The following APP variants were observed in gnomAD, a reference collection of about 807,000 sequenced individuals.
The protein encoded by APP is amyloid-beta precursor protein.
In APP, 31 loss-of-function variants were observed where a neutral mutation model predicts 101.4. The observed-to-expected ratio is 0.31, with a 90% CI of 0.23 to 0.41. APP has a LOEUF of 0.41. Among genes scored for constraint, APP ranks in the 10% least tolerant of loss-of-function variants. APP has a pLI of 1.00. For missense variants in APP, 839 were observed against 1,003.7 expected, an observed-to-expected ratio of 0.84 and a Z score of 2.22; for synonymous variants, 366 against 364.4, an observed-to-expected ratio of 1.00 and a Z score of -0.05.
At chr21:25,893,117 A>G (rs768464520) in intron 16 of APP, among the ~76,000 whole-genome samples, 1 of 152,212 alleles carries the variant, frequency 6.6e-6, no homozygotes, top group African/African-American at 2.4e-5. Context: ...ATCTGTGATC[A>G]GTGGCCTTTG....
intron 9 of APP, among the ~76,000 whole-genome samples, chr21:25,977,984 G>C (rs2042284950): frequency 6.6e-6 from 1 of 152,160 alleles, no homozygotes; most frequent in Non-Finnish European, 1.5e-5. Context: ...CTCAAAATTA[G>C]TTTGAGATAG....
intron 11 of APP, among the ~76,000 whole-genome samples, chr21:25,963,093 C>T (rs960206446): frequency 5.3e-5 from 8 of 152,180 alleles, no homozygotes; most frequent in Admixed American, 6.5e-5. Context: ...GGATTACAGG[C>T]GTGAGCCACC....
intron 3 of APP, among the ~76,000 whole-genome samples, chr21:26,062,851 T>G (rs1214183742): frequency 6.6e-6 from 1 of 152,064 alleles, no homozygotes; most frequent in East Asian, 1.9e-4. Flanking sequence ...CAGCCTTGAC[T>G]TCCTGGGCTC....
chr21:26,068,875 C>A (rs2046564143), intron 3 of APP, among the ~76,000 whole-genome samples: 1 of 152,200 alleles, frequency 6.6e-6, no homozygotes, highest in Non-Finnish European at 1.5e-5. Flanking sequence ...TGACCTTTCA[C>A]TTAGCATTCC....
Position 26,018,679 on chromosome 21 carries a change from T to C in APP, c.865+3161A>G, listed in dbSNP as rs1032582309. Reference sequence around the variant, plus strand: ...AGAGCTTTTGTTCAGGAGTTTGAGGTGGAATGAATGGACCTGCATTAAAGA... The same window carrying C: ...AGAGCTTTTGTTCAGGAGTTTGAGGCGGAATGAATGGACCTGCATTAAAGA... On this transcript the variant is annotated intron_variant, in intron 6 of 17. Coordinates refer to ENST00000346798, the MANE Select transcript of APP (RefSeq NM_000484.4). Among the ~76,000 whole-genome samples the C allele has an allele frequency of 1.3e-5, 2 of 152,146 alleles. 1 individual carries two copies. Among genetic ancestry groups the C allele is most frequent in the South Asian group, 4.1e-4 (2 of 4,830 alleles).
At position 26,028,152 on chromosome 21, in the gene APP, G is replaced by C. The variant is rs143187054; in HGVS notation, c.663-6110C>G. Among the ~76,000 whole-genome samples, 84 of 150,390 alleles carry C rather than the reference G, an allele frequency of 5.6e-4. 1 individual carries two copies. The East Asian group carries it at 0.01, about 18-fold the overall frequency. The stretch of plus-strand genomic sequence containing the variant: ...CAGAAGCTGCATTGCACTCCAGCCT[G>C]GGTGACAGAGTGAGACTCTGTCTCA... On this transcript the variant is annotated intron_variant, in intron 5 of 17. Coordinates refer to ENST00000346798, the MANE Select transcript of APP (RefSeq NM_000484.4).
chr21:25,944,271 C>T (rs1273331643), intron 13 of APP, among the ~76,000 whole-genome samples: 1 of 152,208 alleles, frequency 6.6e-6, no homozygotes, highest in East Asian at 1.9e-4. Context: ...GACCCTCTGA[C>T]CCCGTTTCAT....
intron 13 of APP, among the ~76,000 whole-genome samples, chr21:25,951,738 T>C (rs1355615320): frequency 2.0e-5 from 3 of 152,222 alleles, no homozygotes; most frequent in African/African-American, 7.2e-5. Context: ...AGCAACACTT[T>C]TTATTATGAG....
chr21:25,939,566 G>C (rs721720), intron 13 of APP, among the ~76,000 whole-genome samples: 3 of 152,184 alleles, frequency 2.0e-5, no homozygotes, highest in African/African-American at 7.2e-5. Flanking sequence ...CAGACACTTA[G>C]CTTATCAATC....
intron 13 of APP, among the ~76,000 whole-genome samples, chr21:25,920,215 C>T (rs1260437919): frequency 7.9e-5 from 12 of 151,976 alleles, no homozygotes; most frequent in African/African-American, 2.9e-4. Flanking sequence ...CCTAAAAGAG[C>T]TCCTGAAGGA....
At chr21:26,154,625 AC>A (rs1158759858) in intron 1 of APP, among the ~76,000 whole-genome samples, 1 of 152,214 alleles carries the variant, frequency 6.6e-6, no homozygotes, top group East Asian at 1.9e-4. Flanking sequence ...TAACGTTAGT[AC>A]CTTAGTAACT....
In APP at chr21:25,963,753, A is replaced by G. The variant is rs143254173; in HGVS notation, c.1459-7998T>C. 8.8e-3 allele frequency among the ~76,000 whole-genome samples: 1,345 copies of G among 152,286 alleles called. 12 individuals carry two copies. The highest frequency in any genetic ancestry group is 0.015 in the Non-Finnish European group (990 of 68,018). Reference sequence around the variant, plus strand: ...CTTGAGATGATCTTAGTTAAACGTAATATTTGGGGAAACTGCCATGGGGAC... The same window carrying G: ...CTTGAGATGATCTTAGTTAAACGTAGTATTTGGGGAAACTGCCATGGGGAC... On this transcript the variant is annotated intron_variant, in intron 11 of 17. Coordinates refer to ENST00000346798, the MANE Select transcript of APP (RefSeq NM_000484.4).
intron 6 of APP, among the ~76,000 whole-genome samples, chr21:26,004,275 CTTTTTTTTTTTT>C (rs71183538): frequency 4.1e-5 from 3 of 72,794 alleles, no homozygotes; most frequent in Non-Finnish European, 7.3e-5. Flanking sequence ...TGTATTAATT[CTTTTTTTTTTTT>C]TTTTTTTTTT....
chr21:26,017,164 A>G (rs1207621833), intron 6 of APP, among the ~76,000 whole-genome samples: 1 of 131,972 alleles, frequency 7.6e-6, no homozygotes, highest in Admixed American at 8.7e-5. Flanking sequence ...GCACCACTAC[A>G]CTCCAGCCTG....
intron 1 of APP, among the ~76,000 whole-genome samples, chr21:26,134,595 C>T (rs745876900): frequency 6.6e-6 from 1 of 152,204 alleles, no homozygotes; most frequent in Non-Finnish European, 1.5e-5. Context: ...CAGGAACCTC[C>T]ATGTGTTCAG....
chr21:25,891,593 C>T, intron 17 of APP, 129 bp downstream of exon 17: 1 of 920,052 alleles, frequency 1.1e-6, no homozygotes, highest in Non-Finnish European at 1.8e-6. Context: ...CAACTGTAAC[C>T]CAAGCATCAT....
intron 9 of APP, among the ~76,000 whole-genome samples, chr21:25,980,270 A>G (rs2146593101): frequency 6.6e-6 from 1 of 152,292 alleles, no homozygotes; most frequent in Middle Eastern, 3.4e-3. Flanking sequence ...TATTTTTGTC[A>G]TTGTTCTTTT....
At chr21:25,971,639 G>A (rs1275528144) in intron 11 of APP, among the ~76,000 whole-genome samples, 1 of 152,210 alleles carries the variant, frequency 6.6e-6, no homozygotes, top group African/African-American at 2.4e-5. Flanking sequence ...GCTGAGTAAT[G>A]ATGGGTACAT....
chr21:25,923,897 C>T (rs368395829), intron 13 of APP, among the ~76,000 whole-genome samples: 1 of 18,624 alleles, frequency 5.4e-5, no homozygotes, highest in African/African-American at 2.5e-4. Flanking sequence ...ACCCAAAGGA[C>T]TATAAATCAT....
Sources: allele counts gnomAD v4.1 joint callset (sites outside exome capture counted in the v4.1 genomes callset), GRCh38; gene constraint gnomAD v4.1.1; transcripts MANE v1.5; gene names NCBI Gene and HGNC (gene_info 2026-07-23, HGNC 2026-07-21).